Variants in TLK1 observed in about 807,000 individuals in gnomAD.
The protein encoded by TLK1 is serine/threonine-protein kinase tousled-like 1.
TLK1 carries 24 observed loss-of-function variants against 105.3 expected under a neutral mutation model. The observed-to-expected ratio is 0.23, with a 90% CI of 0.17 to 0.32. The LOEUF is 0.32. TLK1 is among the 10% of genes least tolerant of loss of function. The pLI, the probability that TLK1 is intolerant of heterozygous loss-of-function variation, is 1.00. For missense variants in TLK1, 558 were observed against 910.5 expected (o/e 0.61, Z 4.98); for synonymous variants, 321 against 310.4 (o/e 1.03, Z -0.36).
chr2:171,022,102 C>CACACACACAG (rs1685551060), intron 12 of TLK1, among the ~76,000 whole-genome samples: 1 of 40,256 alleles, frequency 2.5e-5, no homozygotes, highest in Admixed American at 3.5e-4. Flanking sequence ...CACACACACA[C>CACACACACAG]ACACACACAC....
intron 1 of TLK1, among the ~76,000 whole-genome samples, chr2:171,158,337 G>A (rs935362705): frequency 1.6e-4 from 24 of 152,228 alleles, no homozygotes; most frequent in African/African-American, 5.8e-4. Flanking sequence ...AAAACCCACT[G>A]TAATCTAAAC....
At chr2:171,053,193 TG>T (rs1270868140) in intron 8 of TLK1, among the ~76,000 whole-genome samples, 1 of 152,208 alleles carries the variant, frequency 6.6e-6, no homozygotes, top group Non-Finnish European at 1.5e-5. Flanking sequence ...TAACATGAAA[TG>T]GCTATTTGTG....
At chr2:171,151,188 T>C (rs1246877404) in intron 1 of TLK1, among the ~76,000 whole-genome samples, 1 of 152,010 alleles carries the variant, frequency 6.6e-6, no homozygotes, top group East Asian at 1.9e-4. Flanking sequence ...CGGCTAATTT[T>C]TGTATATTTT....
At chr2:171,094,225 C>CA (rs796422076) in intron 2 of TLK1, among the ~76,000 whole-genome samples, 4 of 152,110 alleles carry the variant, frequency 2.6e-5, no homozygotes, top group African/African-American at 9.6e-5. Context: ...AGAGTAGGGG[C>CA]AGAAGCACTG....
At chr2:170,999,226 T>A (rs537314551) in intron 18 of TLK1, among the ~76,000 whole-genome samples, 1 of 148,158 alleles carries the variant, frequency 6.7e-6, no homozygotes, top group Admixed American at 6.7e-5. Context: ...ATTTACTATT[T>A]TTTTTAAAAA....
chr2:171,117,665 G>A, intron 2 of TLK1, 74 bp downstream of exon 2: 2 of 1,165,320 alleles, frequency 1.7e-6, no homozygotes, highest in Non-Finnish European at 2.5e-6. Context: ...CGTTATGTAG[G>A]AATCCTTTAC....
intron 2 of TLK1, among the ~76,000 whole-genome samples, chr2:171,085,233 T>C (rs867761868): frequency 6.7e-4 from 102 of 152,058 alleles, no homozygotes; most frequent in African/African-American, 2.4e-3. Context: ...CTACTAAAAA[T>C]ACAAAATTAG....
chr2:171,050,071 A>C lies in TLK1; in HGVS notation c.836T>G (p.Ile279Ser), dbSNP rs1266828578. 1.2e-6 allele frequency: 2 copies of C among 1,603,790 alleles called. No homozygotes were observed. Among genetic ancestry groups the C allele is most frequent in the African/African-American group, 1.3e-5 (1 of 74,672 alleles). ...KCISMSKKLL[I>S]EKSTQEKLSS... ...ACTCAACTTTTAGCCTACCTTTTCA[A>C]TAAGAAGTTTCTTGCTCATTGATAT... The change falls in exon 9 of 21, where the codon ATT (isoleucine) becomes AGT (serine). Residue 279 changes from isoleucine to serine, a missense_variant. Ile to Ser is a moderately radical substitution (Grantham distance 142). This residue lies in a region of TLK1 where 196 missense variants were observed against 239.3 expected (regional missense o/e 0.82). Coordinates refer to ENST00000431350, the MANE Select transcript of TLK1 (RefSeq NM_012290.5).
chr2:170,996,094 G>A (rs891989005), intron 20 of TLK1, among the ~76,000 whole-genome samples: 3 of 151,704 alleles, frequency 2.0e-5, no homozygotes, highest in Non-Finnish European at 4.4e-5. Flanking sequence ...ACCTCCCTGA[G>A]CTCAGGTGAT....
intron 3 of TLK1, among the ~76,000 whole-genome samples, chr2:171,075,067 A>T (rs1350105941): frequency 6.6e-6 from 1 of 152,114 alleles, no homozygotes; most frequent in East Asian, 1.9e-4. Flanking sequence ...ATAAATATAG[A>T]TAAATTAAAA....
At chr2:171,129,204 T>C (rs1477716962) in intron 1 of TLK1, among the ~76,000 whole-genome samples, 1 of 152,166 alleles carries the variant, frequency 6.6e-6, no homozygotes, top group Admixed American at 6.5e-5. Flanking sequence ...TTTCCCTCAT[T>C]ACTAAGTAAT....
chr2:171,003,125 T>C (rs974256250), intron 18 of TLK1, among the ~76,000 whole-genome samples: 2 of 151,382 alleles, frequency 1.3e-5, no homozygotes, highest in African/African-American at 4.9e-5. Flanking sequence ...ATACAAAAAA[T>C]TGGCCAGGTG....
At chr2:171,113,815 T>C (rs1322067577) in intron 2 of TLK1, among the ~76,000 whole-genome samples, 2 of 152,148 alleles carry the variant, frequency 1.3e-5, no homozygotes, top group East Asian at 3.8e-4. Context: ...TAACAGAAAC[T>C]GTAGAATATC....
chr2:171,043,728 A>C (rs1017944122), intron 11 of TLK1, among the ~76,000 whole-genome samples: 40 of 152,136 alleles, frequency 2.6e-4, no homozygotes, highest in African/African-American at 9.2e-4. Context: ...GTTAAAGCTA[A>C]CACATACTTT....
At chr2:171,020,094 C>A (rs1185229257) in intron 12 of TLK1, among the ~76,000 whole-genome samples, 1 of 150,744 alleles carries the variant, frequency 6.6e-6, no homozygotes, top group Non-Finnish European at 1.5e-5. Flanking sequence ...ACACCAAATT[C>A]ACTTTAGTAA....
chr2:171,182,678 G>T (rs1282030613), intron 1 of TLK1, among the ~76,000 whole-genome samples: 1 of 152,076 alleles, frequency 6.6e-6, no homozygotes, highest in African/African-American at 2.4e-5. Context: ...CCAACACTTT[G>T]AGGGGCTGAG....
chr2:171,168,764 A>G (rs1257756683), intron 1 of TLK1, among the ~76,000 whole-genome samples: 1 of 152,162 alleles, frequency 6.6e-6, no homozygotes, highest in Admixed American at 6.5e-5. Flanking sequence ...TTGAGATTTT[A>G]TTTATAATGA....
At chr2:171,160,966 A>G (rs1692474524), upstream of TLK1, 4 of 155,338 alleles carry the variant, frequency 2.6e-5, no homozygotes, top group East Asian at 2.1e-4. The surrounding 1 kb of genome is among the most constrained non-coding windows in gnomAD (Gnocchi z 4.4). Flanking sequence ...CGCCTCCGGT[A>G]GCGGCGGCGG....
Position 171,170,631 on chromosome 2 carries a change from C to T in TLK1, c.-5-52774G>A, listed in dbSNP as rs58113628. 5.5e-3 allele frequency among the ~76,000 whole-genome samples: 844 copies of T among 152,274 alleles called. 7 individuals are homozygous for T. Among genetic ancestry groups the T allele is most frequent in the African/African-American group, 0.019 (805 of 41,544 alleles). ...GTACTATAGAGACCAGATAATGATG[C>T]GAAGTCACAAGGTGAAAGTGCCCTG... On this transcript the variant is annotated intron_variant, in intron 1 of 20. Coordinates refer to the TLK1 transcript ENST00000521943.
Sources: allele counts gnomAD v4.1 joint callset (sites outside exome capture counted in the v4.1 genomes callset), GRCh38; gene constraint gnomAD v4.1.1; regional missense constraint gnomAD v4.1.1; non-coding constraint Gnocchi (gnomAD v3.1); transcripts MANE v1.5; gene names NCBI Gene and HGNC (gene_info 2026-07-23, HGNC 2026-07-21).